Variants in ARHGAP42 observed in about 807,000 individuals in gnomAD.
ARHGAP42 encodes rho GTPase-activating protein 42.
A neutral mutation model predicts 125.0 loss-of-function variants in ARHGAP42; 63 were observed. The observed-to-expected ratio is 0.50, with a 90% CI of 0.41 to 0.62. The LOEUF is 0.62. Among genes scored for constraint, ARHGAP42 ranks in the 20% least tolerant of loss-of-function variants. The probability of loss-of-function intolerance (pLI) is 0.00; values close to 1 mark genes in which losing one functional copy is unlikely to be tolerated. For missense variants in ARHGAP42, 766 were observed against 1,024.2 expected (o/e 0.75, Z 3.44); for synonymous variants, 339 against 351.0 (o/e 0.97, Z 0.38).
intron 2 of ARHGAP42, among the ~76,000 whole-genome samples, chr11:100,776,159 C>CAA (rs5794065): frequency 9.8e-4 from 141 of 144,614 alleles, no homozygotes; most frequent in Middle Eastern, 3.6e-3. Flanking sequence ...AACTCCATTT[C>CAA]AAAAAAAAAA....
At chr11:100,985,705 G>A (rs545277367) in intron 22 of ARHGAP42, among the ~76,000 whole-genome samples, 15 of 152,250 alleles carry the variant, frequency 9.9e-5, no homozygotes, top group East Asian at 1.9e-4. Flanking sequence ...AATCTGCCCC[G>A]CTAGCAAGCT....
At chr11:100,703,564 A>G (rs1861431628) in intron 1 of ARHGAP42, among the ~76,000 whole-genome samples, 1 of 152,238 alleles carries the variant, frequency 6.6e-6, no homozygotes, top group Non-Finnish European at 1.5e-5. Context: ...TGTCCCACTC[A>G]AATTAGATCT....
chr11:100,795,916 A>AGATG (rs1863699203), intron 3 of ARHGAP42, among the ~76,000 whole-genome samples: 1 of 152,198 alleles, frequency 6.6e-6, no homozygotes, highest in Non-Finnish European at 1.5e-5. Flanking sequence ...TTACAGACTT[A>AGATG]TCTAAGACAT....
At chr11:100,872,124 CTTG>C (rs1865711517) in intron 4 of ARHGAP42, among the ~76,000 whole-genome samples, 1 of 152,136 alleles carries the variant, frequency 6.6e-6, no homozygotes, top group South Asian at 2.1e-4. Context: ...TTTCAGTGTT[CTTG>C]TTGTAATTTA....
At chr11:100,863,456 T>C (rs1268843913) in intron 4 of ARHGAP42, among the ~76,000 whole-genome samples, 2 of 152,228 alleles carry the variant, frequency 1.3e-5, no homozygotes, top group African/African-American at 4.8e-5. Context: ...ACTACTTAAC[T>C]GCAGTGGATA....
Position 100,738,145 on chromosome 11 carries a change from A to T in ARHGAP42, c.155-32198A>T, listed in dbSNP as rs191432846. 1.1e-3 allele frequency among the ~76,000 whole-genome samples: 171 copies of T among 152,352 alleles called. 3 individuals are homozygous for T. The East Asian group carries it at 0.029, about 25-fold the overall frequency. On this transcript the variant is annotated intron_variant, in intron 1 of 23. Coordinates refer to ENST00000298815, the MANE Select transcript of ARHGAP42 (RefSeq NM_152432.4). ...ATTTTTTTCTGTGAGTCAAGAAAAT[A>T]TCGTAGAAATACTGTGATAGCCTTT...
At chr11:100,890,984 A>G (rs1005137104) in intron 4 of ARHGAP42, among the ~76,000 whole-genome samples, 1 of 152,162 alleles carries the variant, frequency 6.6e-6, no homozygotes, top group Non-Finnish European at 1.5e-5. Flanking sequence ...TTTCATAATG[A>G]GTTGCACTCA....
At chr11:100,826,836 A>G (rs746726304) in intron 3 of ARHGAP42, among the ~76,000 whole-genome samples, 2 of 152,072 alleles carry the variant, frequency 1.3e-5, no homozygotes, top group African/African-American at 4.8e-5. Context: ...TTGGTTTTCT[A>G]TACAGAAGGG....
chr11:100,698,286 A>G (rs2120191092), intron 1 of ARHGAP42, among the ~76,000 whole-genome samples: 1 of 152,274 alleles, frequency 6.6e-6, no homozygotes, highest in African/African-American at 2.4e-5. Context: ...GGTCTGGACA[A>G]CACAGTGAGA....
At chr11:100,809,564 A>G (rs1864087430) in intron 3 of ARHGAP42, among the ~76,000 whole-genome samples, 3 of 152,238 alleles carry the variant, frequency 2.0e-5, no homozygotes, top group Admixed American at 2.0e-4. Context: ...AACATTAGAA[A>G]CATTTACTTA....
intron 3 of ARHGAP42, among the ~76,000 whole-genome samples, chr11:100,851,039 G>A (rs148971924): frequency 0.035 from 5,322 of 151,878 alleles, 203 homozygotes; most frequent in African/African-American, 0.095. Flanking sequence ...GTGCCACCAT[G>A]CCTGGCTAAT....
At chr11:100,722,393 CTTT>C (rs199744764) in intron 1 of ARHGAP42, among the ~76,000 whole-genome samples, 7 of 135,154 alleles carry the variant, frequency 5.2e-5, no homozygotes, top group Non-Finnish European at 3.2e-5. Flanking sequence ...AAATTTATTA[CTTT>C]TTTTTTTTTT....
intron 3 of ARHGAP42, among the ~76,000 whole-genome samples, chr11:100,850,158 G>A (rs10895021): frequency 0.27 from 41,392 of 152,006 alleles, 6,062 homozygotes; most frequent in Non-Finnish European, 0.32. Flanking sequence ...TACTGAAACC[G>A]TGTTTGGGGA....
intron 3 of ARHGAP42, among the ~76,000 whole-genome samples, chr11:100,854,497 G>A (rs3858415): frequency 6.6e-6 from 1 of 152,054 alleles, no homozygotes. Context: ...GTTTTTAGAT[G>A]ACAATATGTT....
intron 1 of ARHGAP42, among the ~76,000 whole-genome samples, chr11:100,764,989 G>C (rs577616789): frequency 1.3e-4 from 20 of 152,122 alleles, no homozygotes; most frequent in Non-Finnish European, 2.4e-4. Flanking sequence ...AAAAAATGAG[G>C]ACTTGAGGAG....
chr11:100,891,147 G>T (rs2135191927), intron 4 of ARHGAP42, among the ~76,000 whole-genome samples: 1 of 152,236 alleles, frequency 6.6e-6, no homozygotes, highest in East Asian at 1.9e-4. Flanking sequence ...CCAAAAACAT[G>T]GCTTTGTCTG....
chr11:100,814,361 C>CAAAAAAAAAAA, intron 3 of ARHGAP42, among the ~76,000 whole-genome samples: 1 of 109,858 alleles, frequency 9.1e-6, no homozygotes, highest in Non-Finnish European at 1.9e-5. Flanking sequence ...GACTCCGTCT[C>CAAAAAAAAAAA]AAAAAAAAAA....
At chr11:100,986,443 C>T in intron 22 of ARHGAP42, 1 of 202,436 alleles carries the variant, frequency 4.9e-6, no homozygotes, top group Middle Eastern at 2.0e-3. Context: ...CACAAAGAGG[C>T]AGGGGAGACC....
At chr11:100,828,453 T>C (rs746538537) in intron 3 of ARHGAP42, among the ~76,000 whole-genome samples, 41 of 152,200 alleles carry the variant, frequency 2.7e-4, no homozygotes, top group Non-Finnish European at 5.1e-4. Context: ...TCATTGTCTC[T>C]GACTAGGCTT....
Sources: allele counts gnomAD v4.1 joint callset (sites outside exome capture counted in the v4.1 genomes callset), GRCh38; gene constraint gnomAD v4.1.1; transcripts MANE v1.5; gene names NCBI Gene and HGNC (gene_info 2026-07-23, HGNC 2026-07-21).